Variants in WASF1 observed in about 807,000 individuals in gnomAD.
WASF1 encodes WASP family member 1.
WASF1 carries 7 observed loss-of-function variants against 50.5 expected under a neutral mutation model. The observed-to-expected ratio is 0.14, with a 90% CI of 0.08 to 0.26. WASF1 has a LOEUF of 0.26. Ranked by LOEUF, WASF1 falls within the 10% of genes least tolerant of loss-of-function variation. The pLI, the probability that WASF1 is intolerant of heterozygous loss-of-function variation, is 1.00. For missense variants in WASF1, 470 were observed against 694.7 expected (o/e 0.68, Z 3.64); for synonymous variants, 205 against 244.0 (o/e 0.84, Z 1.49).
At chr6:110,102,293 A>C in intron 9 of WASF1, 77 bp from the exon 10 acceptor site, 1 of 1,309,808 alleles carries the variant, frequency 7.6e-7, no homozygotes, top group Non-Finnish European at 9.8e-7. Context: ...ACAAACTATA[A>C]ATGACTATCA....
intron 9 of WASF1, 97 bp downstream of exon 9, chr6:110,103,280 TG>T: frequency 7.4e-7 from 1 of 1,355,198 alleles, no homozygotes; most frequent in Non-Finnish European, 1.0e-6. Flanking sequence ...TGACAAAAAC[TG>T]TAAGGCCCGA....
intron 3 of WASF1, among the ~76,000 whole-genome samples, chr6:110,130,967 TTGA>T: frequency 6.6e-6 from 1 of 152,232 alleles, no homozygotes; most frequent in Non-Finnish European, 1.5e-5. Flanking sequence ...TTCATGTTTC[TTGA>T]TCTTTTGGGT....
chr6:110,107,342 T>G (rs1042152471), intron 6 of WASF1, 148 bp from the exon 7 acceptor site: 10 of 535,804 alleles, frequency 1.9e-5, no homozygotes, highest in African/African-American at 4.0e-5. Context: ...ATTGCACCAA[T>G]AGAAAATTTC....
intron 2 of WASF1, among the ~76,000 whole-genome samples, chr6:110,163,668 C>T (rs1776355005): frequency 1.3e-5 from 2 of 151,500 alleles, no homozygotes; most frequent in Admixed American, 6.6e-5. Context: ...CCAACTTGAT[C>T]TGTAGATTCA....
chr6:110,124,840 G>A (rs1052650059), intron 4 of WASF1, among the ~76,000 whole-genome samples: 1 of 152,162 alleles, frequency 6.6e-6, no homozygotes. Flanking sequence ...AACCTGGGAG[G>A]TGGAGTTTGT....
chr6:110,116,338 T>C (rs923657064), intron 4 of WASF1, among the ~76,000 whole-genome samples: 8 of 152,200 alleles, frequency 5.3e-5, no homozygotes, highest in African/African-American at 1.9e-4. Flanking sequence ...AAATACTATA[T>C]GCTTTTCCCA....
At chr6:110,135,016 TTTTG>T (rs1331508540) in intron 3 of WASF1, among the ~76,000 whole-genome samples, 2 of 152,290 alleles carry the variant, frequency 1.3e-5, no homozygotes, top group East Asian at 1.9e-4. Flanking sequence ...TGTGTTTCCA[TTTTG>T]TTTGTGTTTT....
chr6:110,161,882 T>A (rs1776275297), intron 2 of WASF1, among the ~76,000 whole-genome samples: 1 of 151,480 alleles, frequency 6.6e-6, no homozygotes, highest in African/African-American at 2.4e-5. Context: ...CTATAGAAAG[T>A]ATTCAAATAA....
At chr6:110,104,935 TA>T (rs1337365172) in intron 8 of WASF1, among the ~76,000 whole-genome samples, 1 of 152,204 alleles carries the variant, frequency 6.6e-6, no homozygotes, top group East Asian at 1.9e-4. Flanking sequence ...AAGGGATCAA[TA>T]CTTTTGTTTG....
intron 3 of WASF1, among the ~76,000 whole-genome samples, chr6:110,132,963 TACACACACACAC>T (rs142466639): frequency 7.7e-6 from 1 of 130,072 alleles, no homozygotes; most frequent in Admixed American, 8.1e-5. Context: ...CCATGGTGTA[TACACACACACAC>T]ACACACACAC....
intron 2 of WASF1, among the ~76,000 whole-genome samples, chr6:110,161,466 C>T (rs1447788970): frequency 6.6e-6 from 1 of 151,532 alleles, no homozygotes; most frequent in Non-Finnish European, 1.5e-5. Context: ...CTCACATGAG[C>T]CTCTTAGATA....
intron 3 of WASF1, among the ~76,000 whole-genome samples, chr6:110,159,052 A>G (rs528754552): frequency 3.7e-4 from 56 of 152,050 alleles, no homozygotes; most frequent in African/African-American, 1.3e-3. Context: ...CTATTCAGTC[A>G]TACCATAAGC....
intron 4 of WASF1, among the ~76,000 whole-genome samples, chr6:110,114,031 A>G (rs1041539765): frequency 3.3e-5 from 5 of 152,204 alleles, no homozygotes; most frequent in Non-Finnish European, 7.3e-5. Flanking sequence ...AAATCATAAC[A>G]ATAAATTTAA....
chr6:110,107,021 G>T, intron 7 of WASF1, 56 bp downstream of exon 7: 1 of 1,243,362 alleles, frequency 8.0e-7, no homozygotes, highest in Non-Finnish European at 1.1e-6. Context: ...TTCAATATAT[G>T]CAACAAAACA....
At chr6:110,131,755 A>G (rs530269967) in intron 3 of WASF1, among the ~76,000 whole-genome samples, 6 of 152,270 alleles carry the variant, frequency 3.9e-5, no homozygotes, top group African/African-American at 1.4e-4. Flanking sequence ...GACCCACCTC[A>G]GCCTCCCAAA....
chr6:110,152,039 T>C lies in WASF1; in HGVS notation c.-29+8596A>G, dbSNP rs143925149. ...TCTAAGATGGCCGCATGATATCCAGTCCCTAGCACTATTCCTATGATTATA... is the reference window on the plus strand; with the variant it reads ...TCTAAGATGGCCGCATGATATCCAGCCCCTAGCACTATTCCTATGATTATA... On this transcript the variant is annotated intron_variant, in intron 3 of 10. Coordinates refer to ENST00000392589, the MANE Select transcript of WASF1 (RefSeq NM_003931.3). Among the ~76,000 whole-genome samples the C allele has an allele frequency of 2.5e-3, 387 of 152,282 alleles. 4 individuals are homozygous for C. The highest frequency in any genetic ancestry group is 8.7e-3 in the African/African-American group (362 of 41,552).
intron 2 of WASF1, among the ~76,000 whole-genome samples, chr6:110,177,976 A>T (rs1395583261): frequency 6.6e-6 from 1 of 151,880 alleles, no homozygotes; most frequent in African/African-American, 2.4e-5. Flanking sequence ...CTTCAGGTAG[A>T]TCACGCAAAA....
chr6:110,176,202 C>T lies in WASF1; in HGVS notation c.-127+2396G>A, dbSNP rs146833029. 7.3e-3 allele frequency among the ~76,000 whole-genome samples: 1,116 copies of T among 152,090 alleles called. 6 individuals are homozygous for T. The highest frequency in any genetic ancestry group is 0.012 in the Non-Finnish European group (796 of 67,908). ...TTATAAAAAGTTCCACTTCAGGGGT[C>T]ATTTATTTTTAACAACTAGGTACTC... On this transcript the variant is annotated intron_variant, in intron 2 of 10. Coordinates refer to ENST00000392589, the MANE Select transcript of WASF1 (RefSeq NM_003931.3).
rs9689451 is a variant in WASF1 at position 110,119,181 on chromosome 6, G to C, written c.134-5721C>G. On this transcript the variant is annotated intron_variant, in intron 4 of 10. Coordinates refer to ENST00000392589, the MANE Select transcript of WASF1 (RefSeq NM_003931.3). ...GTTCGAAAGCTAGCAGAAGGCAAGA[G>C]ATAACTAAGATCAGAGCAGAACTGA... 2.6e-5 allele frequency among the ~76,000 whole-genome samples: 4 copies of C among 152,060 alleles called. No individual in the cohort carries two copies. In the East Asian group the frequency reaches 7.7e-4, roughly 29 times the overall value.
Sources: allele counts gnomAD v4.1 joint callset (sites outside exome capture counted in the v4.1 genomes callset), GRCh38; gene constraint gnomAD v4.1.1; transcripts MANE v1.5; gene names NCBI Gene and HGNC (gene_info 2026-07-23, HGNC 2026-07-21).